The following NRG2 variants were observed in gnomAD, a reference collection of about 807,000 sequenced individuals.
The protein encoded by NRG2 is neuregulin 2.
In NRG2, 27 loss-of-function variants were observed where a neutral mutation model predicts 73.9. The ratio of observed to expected loss-of-function variants is 0.37; its 90% CI spans 0.27 to 0.50. NRG2 has a LOEUF of 0.50. Among genes scored for constraint, NRG2 ranks in the 20% least tolerant of loss-of-function variants. The pLI, the probability that NRG2 is intolerant of heterozygous loss-of-function variation, is 0.96. For synonymous variants in NRG2, 532 were observed against 541.0 expected (o/e 0.98, Z 0.23); for missense variants, 1,126 against 1,210.1 (o/e 0.93, Z 1.03).
chr5:139,932,797 C>T (rs758468711), intron 1 of NRG2, among the ~76,000 whole-genome samples: 2 of 151,618 alleles, frequency 1.3e-5, no homozygotes, highest in African/African-American at 4.8e-5. Context: ...AAAGAAATCT[C>T]CTAGAAGTGT....
intron 1 of NRG2, among the ~76,000 whole-genome samples, chr5:139,975,152 A>G (rs1433550145): frequency 2.6e-5 from 4 of 152,172 alleles, no homozygotes; most frequent in Non-Finnish European, 4.4e-5. Context: ...CCATTCTTAC[A>G]TATCTTGGAA....
rs370113852 is a variant in NRG2 at position 139,860,371 on chromosome 5, A to ATTT, written c.1190-4596_1190-4594dup. The stretch of plus-strand genomic sequence containing the variant: ...GCCCAGCTCCCTCATTGGGGGCCCA[A>ATTT]TTTTTTTTTTTTTGTTCAGAGTGCA... On this transcript the variant is annotated intron_variant, in intron 5 of 9. Coordinates refer to ENST00000361474, the MANE Select transcript of NRG2 (RefSeq NM_004883.3). Among the ~76,000 whole-genome samples, 181 of 144,896 alleles carry ATTT rather than the reference A, an allele frequency of 1.2e-3. 2 individuals are homozygous for ATTT. The highest frequency in any genetic ancestry group is 4.3e-3 in the African/African-American group (170 of 39,612).
intron 1 of NRG2, among the ~76,000 whole-genome samples, chr5:139,970,900 G>A (rs756959979): frequency 3.3e-5 from 5 of 152,000 alleles, no homozygotes; most frequent in Non-Finnish European, 5.9e-5. Flanking sequence ...CCAAACATGC[G>A]TTTGCTTCAG....
In NRG2 at chr5:139,904,197, G is replaced by T; in HGVS notation, c.701-16686C>A. 8.7e-7 allele frequency: 1 copy of T among 1,143,574 alleles called. No homozygotes were observed. The highest frequency in any genetic ancestry group is 1.1e-6 in the Non-Finnish European group (1 of 882,542). The allele number at this position is 1,143,574 out of a possible 1,614,324, so 70.8% of individuals were successfully genotyped here. On this transcript the variant is annotated intron_variant, in intron 1 of 9. Transcript: ENST00000361474. The surrounding 1 kb of genome is among the most constrained non-coding windows in gnomAD (Gnocchi z 6.0). ...GCGCGCCCTCGGTGCCTGTCACCGC[G>T]GCGGCCGCTAGCGCAGCCTAGACTC...
rs558077877 is a variant in NRG2 at position 140,004,575 on chromosome 5, A to T, written c.700+37795T>A. On this transcript the variant is annotated intron_variant, in intron 1 of 9. Coordinates refer to ENST00000361474, the MANE Select transcript of NRG2 (RefSeq NM_004883.3). ...CAAAAAGGCATAAGTTCACTTCAAT[A>T]ATGAGAAAATATTAGACAAACTCAA... Among the ~76,000 whole-genome samples, 12 of 152,354 alleles carry T rather than the reference A, an allele frequency of 7.9e-5. No individual in the cohort carries two copies. In the South Asian group the frequency reaches 2.5e-3, roughly 32 times the overall value.
chr5:139,964,362 ACACAC>A (rs1755324074), intron 1 of NRG2, among the ~76,000 whole-genome samples: 1 of 98,752 alleles, frequency 1.0e-5, no homozygotes, highest in African/African-American at 5.4e-5. Context: ...ACAGATACAC[ACACAC>A]ACACACACAC....
At position 140,042,737 on chromosome 5, in the gene NRG2, G is replaced by A. The variant is rs1315423662; in HGVS notation, c.333C>T (p.Ala111=). The change falls in exon 1 of 10, where the codon GCC becomes GCT. Residue 111 remains alanine, a synonymous_variant. Transcript: ENST00000361474. ...FSMLLFGVSL[A]CYSPSLKSVQ... is the part of the protein sequence containing the mutation. ...CTGACTTGAGGCTGGGCGAGTAGCA[G>A]GCGAGCGACACACCGAAGAGCAGCA... The A allele has an allele frequency of 1.9e-6, 3 of 1,561,620 alleles. No individual in the cohort carries two copies. Among genetic ancestry groups the A allele is most frequent in the South Asian group, 2.4e-5 (2 of 85,024 alleles).
intron 5 of NRG2, among the ~76,000 whole-genome samples, chr5:139,861,031 A>G (rs1231907595): frequency 6.6e-6 from 1 of 152,146 alleles, no homozygotes; most frequent in African/African-American, 2.4e-5. Context: ...TACCATTCTA[A>G]TGTAGCAGCC....
intron 1 of NRG2, among the ~76,000 whole-genome samples, chr5:140,016,686 C>T (rs768656146): frequency 7.2e-5 from 11 of 152,218 alleles, no homozygotes; most frequent in Non-Finnish European, 1.3e-4. Flanking sequence ...ACATCTATGG[C>T]TTCGTCTGGG....
chr5:139,850,605 T>A (rs1761356811), intron 9 of NRG2, among the ~76,000 whole-genome samples: 1 of 151,778 alleles, frequency 6.6e-6, no homozygotes, highest in Non-Finnish European at 1.5e-5. Flanking sequence ...TGGTGTGGAG[T>A]TTTTAGTACC....
rs1396044574 is a variant in NRG2, at chr5:139,870,349, A to G, written c.1112+1372T>C. 2.0e-5 allele frequency among the ~76,000 whole-genome samples: 3 copies of G among 152,018 alleles called. No individual in the cohort carries two copies. The highest frequency in any genetic ancestry group is 2.9e-5 in the Non-Finnish European group (2 of 67,996). On this transcript the variant is annotated intron_variant, in intron 4 of 9. Transcript: ENST00000361474. The surrounding 1 kb of genome is among the most constrained non-coding windows in gnomAD (Gnocchi z 4.4). Reference sequence around the variant, plus strand: ...TCAGGGAGGGGGAGAAGGAGGTGGCAGCAGGGGCAGGGTGGGGCCAGGGAG... The same window carrying G: ...TCAGGGAGGGGGAGAAGGAGGTGGCGGCAGGGGCAGGGTGGGGCCAGGGAG...
intron 1 of NRG2, among the ~76,000 whole-genome samples, chr5:139,939,473 C>T (rs945434597): frequency 1.3e-5 from 2 of 151,986 alleles, no homozygotes; most frequent in African/African-American, 2.4e-5. Flanking sequence ...CAGGGTTTCA[C>T]CGTGTTGCCC....
chr5:139,904,416 C>A lies in NRG2; in HGVS notation c.701-16905G>T, dbSNP rs747268987. On this transcript the variant is annotated intron_variant, in intron 1 of 9. Coordinates refer to ENST00000361474, the MANE Select transcript of NRG2 (RefSeq NM_004883.3). The surrounding 1 kb of genome is among the most constrained non-coding windows in gnomAD (Gnocchi z 6.0). ...CCGACATTCTGCACGGGGTCCCAGG[C>A]GGTGGGACGGCCTCAGCTCTCCGCT... 4.9e-6 allele frequency: 7 copies of A among 1,437,810 alleles called. No homozygotes were observed. The East Asian group carries it at 1.2e-4, about 25-fold the overall frequency. 89.1% of individuals were successfully genotyped at this position (1,437,810 alleles called of 1,614,324 possible).
At chr5:139,945,293 CCTGT>C (rs1753724435) in intron 1 of NRG2, among the ~76,000 whole-genome samples, 1 of 151,954 alleles carries the variant, frequency 6.6e-6, no homozygotes, top group African/African-American at 2.4e-5. Context: ...GCTTTTGTCG[CCTGT>C]CTTATTCATA....
intron 6 of NRG2, 64 bp downstream of exon 6, chr5:139,855,612 C>T: frequency 7.3e-7 from 1 of 1,368,202 alleles, no homozygotes; most frequent in Non-Finnish European, 1.0e-6. Context: ...GTCTTCTTCA[C>T]ACACATTCTT....
At chr5:139,880,539 T>C (rs924731440) in intron 3 of NRG2, among the ~76,000 whole-genome samples, 5 of 152,206 alleles carry the variant, frequency 3.3e-5, no homozygotes, top group African/African-American at 1.2e-4. Flanking sequence ...GCCCCACTCC[T>C]GGCAGCCCAG....
At chr5:139,859,871 C>G in intron 5 of NRG2, 1 of 1,611,958 alleles carries the variant, frequency 6.2e-7, no homozygotes. Context: ...TGCTGAGTGA[C>G]ACACAGAGGT....
intron 1 of NRG2, among the ~76,000 whole-genome samples, chr5:139,958,682 G>A (rs960171870): frequency 1.3e-5 from 2 of 152,136 alleles, no homozygotes; most frequent in African/African-American, 4.8e-5. Flanking sequence ...TTTTCAGAAA[G>A]TCACAAATAG....
At position 139,854,949 on chromosome 5, in the gene NRG2, C is replaced by CT. The variant is rs1323522664; in HGVS notation, c.1292+726dup. ...TTTTAGACTCATGCCCGCTTTTTTCCTGTCCCTGGCCCTTTGCTCCAGCTA... is the reference window on the plus strand; with the variant it reads ...TTTTAGACTCATGCCCGCTTTTTTCCTTGTCCCTGGCCCTTTGCTCCAGCTA... On this transcript the variant is annotated intron_variant, in intron 6 of 9. Coordinates refer to ENST00000361474, the MANE Select transcript of NRG2 (RefSeq NM_004883.3). Among the ~76,000 whole-genome samples, 4 of 152,304 alleles carry CT rather than the reference C, an allele frequency of 2.6e-5. No homozygotes were observed. The East Asian group carries it at 7.7e-4, about 29-fold the overall frequency.
Sources: gnomAD v4.1 joint callset for allele counts (sites outside exome capture counted in the v4.1 genomes callset) on GRCh38, gnomAD v4.1.1 for gene constraint, Gnocchi (gnomAD v3.1) non-coding constraint, MANE v1.5 for transcripts, NCBI Gene and HGNC (gene_info 2026-07-23, HGNC 2026-07-21) for gene names.